EYS: variants seen among roughly 807,000 people sequenced by gnomAD.
EYS encodes protein eyes shut homolog.
Under a neutral mutation model 282.1 loss-of-function variants are expected in EYS, and 250 were observed. The ratio of observed to expected loss-of-function variants is 0.89; its 90% CI spans 0.80 to 0.98. The LOEUF (loss-of-function observed/expected upper bound fraction) is 0.98. EYS is among the 50% of genes least tolerant of loss of function. The pLI is 0.00. For synonymous variants in EYS, 1,355 were observed against 1,282.9 expected (o/e 1.06, Z -1.20); for missense variants, 4,016 against 3,709.0 (o/e 1.08, Z -2.15).
chr6:63,870,696 G>A (rs946148221), intron 35 of EYS, among the ~76,000 whole-genome samples: 8 of 152,100 alleles, frequency 5.3e-5, no homozygotes, highest in African/African-American at 1.9e-4. Context: ...GCCACTTAGA[G>A]CAAGCAGGTG....
intron 5 of EYS, among the ~76,000 whole-genome samples, chr6:65,444,533 C>T (rs1294097803): frequency 6.6e-6 from 1 of 152,006 alleles, no homozygotes; most frequent in Non-Finnish European, 1.5e-5. Context: ...GATTGTAATC[C>T]TTTAAGGCAC....
chr6:65,691,956 G>A (rs962957318), intron 1 of EYS, among the ~76,000 whole-genome samples: 22 of 150,190 alleles, frequency 1.5e-4, no homozygotes, highest in Middle Eastern at 3.2e-3. Flanking sequence ...TTTGGCACCA[G>A]TACAAGTTAC....
intron 26 of EYS, among the ~76,000 whole-genome samples, chr6:64,553,362 C>A (rs1367372607): frequency 6.6e-6 from 1 of 152,114 alleles, no homozygotes; most frequent in African/African-American, 2.4e-5. Context: ...TATATCCCTT[C>A]TTTAAAGCTT....
intron 26 of EYS, among the ~76,000 whole-genome samples, chr6:64,571,739 T>A (rs1765732856): frequency 6.6e-6 from 1 of 152,106 alleles, no homozygotes; most frequent in Non-Finnish European, 1.5e-5. Flanking sequence ...AGAAGTCAAA[T>A]CCCTGAATAG....
intron 15 of EYS, among the ~76,000 whole-genome samples, chr6:64,945,572 C>A (rs1225052632): frequency 6.6e-6 from 1 of 152,052 alleles, no homozygotes; most frequent in Non-Finnish European, 1.5e-5. Context: ...TGGAACATTG[C>A]ATTTTCAAGT....
chr6:65,404,397 A>G (rs1766637650), intron 6 of EYS, among the ~76,000 whole-genome samples: 1 of 151,908 alleles, frequency 6.6e-6, no homozygotes, highest in Non-Finnish European at 1.5e-5. Flanking sequence ...GGACATTTTT[A>G]TTTATTTTAT....
At chr6:64,287,128 C>T (rs1245640088) in intron 30 of EYS, among the ~76,000 whole-genome samples, 1 of 152,098 alleles carries the variant, frequency 6.6e-6, no homozygotes, top group Non-Finnish European at 1.5e-5. Flanking sequence ...AAACTATGTA[C>T]ATGAAAAGTA....
intron 19 of EYS, among the ~76,000 whole-genome samples, chr6:64,879,836 C>T (rs1766860453): frequency 6.6e-6 from 1 of 151,826 alleles, no homozygotes; most frequent in African/African-American, 2.4e-5. Flanking sequence ...TCCATAGAAA[C>T]AATTAGATAT....
chr6:64,707,613 G>C (rs943457815), intron 22 of EYS, among the ~76,000 whole-genome samples: 2 of 150,810 alleles, frequency 1.3e-5, no homozygotes, highest in Non-Finnish European at 2.9e-5. Flanking sequence ...TGCAGTGAGT[G>C]GAGATCACGC....
chr6:64,364,885 T>C (rs1772137539), intron 29 of EYS, among the ~76,000 whole-genome samples: 1 of 151,920 alleles, frequency 6.6e-6, no homozygotes, highest in Non-Finnish European at 1.5e-5. Context: ...ACAGCACTGG[T>C]ACCCCTAAAT....
intron 28 of EYS, among the ~76,000 whole-genome samples, chr6:64,390,561 G>T (rs1773088080): frequency 6.7e-6 from 1 of 150,132 alleles, no homozygotes; most frequent in Non-Finnish European, 1.5e-5. Context: ...GCAGCTGAGG[G>T]TCCTGACTGT....
rs924836478 is a variant in EYS at position 64,081,891 on chromosome 6, A to G, written c.6536T>C (p.Ile2179Thr). The change falls in exon 32 of 43, where the codon ATA (isoleucine) becomes ACA (threonine). Residue 2179 changes from isoleucine (I) to threonine (T), a missense_variant. Ile to Thr is a moderately conservative substitution (Grantham distance 89). Transcript: ENST00000503581. ...HNRTVTIYLT[I>T]KTNSLNGTIL... Reference sequence around the variant, plus strand: ...AGTTCCATTTAAACTGTTTGTTTTTATAGTCAAGTAGATGGTAACAGTTCT... The same window carrying G: ...AGTTCCATTTAAACTGTTTGTTTTTGTAGTCAAGTAGATGGTAACAGTTCT... The G allele has an allele frequency of 4.9e-5, 75 of 1,542,212 alleles. No individual in the cohort carries two copies. Among genetic ancestry groups the G allele is most frequent in the Admixed American group, 1.8e-4 (9 of 50,602 alleles).
At chr6:65,469,386 TA>T (rs1006400578) in intron 5 of EYS, among the ~76,000 whole-genome samples, 13 of 152,204 alleles carry the variant, frequency 8.5e-5, no homozygotes, top group African/African-American at 3.1e-4. Context: ...TGAATCTTCA[TA>T]AAAAATATTT....
At chr6:64,738,276 T>C (rs1772251334) in intron 22 of EYS, among the ~76,000 whole-genome samples, 1 of 152,180 alleles carries the variant, frequency 6.6e-6, no homozygotes, top group Non-Finnish European at 1.5e-5. Context: ...GAATGTGTTC[T>C]CACTCTAATA....
At chr6:64,882,616 CTTATAG>C (rs1472812910) in intron 19 of EYS, among the ~76,000 whole-genome samples, 4 of 151,590 alleles carry the variant, frequency 2.6e-5, no homozygotes, top group Non-Finnish European at 4.4e-5. Flanking sequence ...TATCTATAGA[CTTATAG>C]TTATCAATCA....
At chr6:64,712,314 C>A (rs967574914) in intron 22 of EYS, among the ~76,000 whole-genome samples, 2 of 152,172 alleles carry the variant, frequency 1.3e-5, no homozygotes, top group Admixed American at 1.3e-4. Flanking sequence ...GAGTATACTT[C>A]ATAAAGTGTC....
At chr6:64,371,134 T>C (rs908971893) in intron 29 of EYS, among the ~76,000 whole-genome samples, 7 of 152,116 alleles carry the variant, frequency 4.6e-5, no homozygotes, top group African/African-American at 1.7e-4. Context: ...TCTTCCTAAC[T>C]TTTTGATGTA....
chr6:64,729,925 T>C (rs1312447814), intron 22 of EYS, among the ~76,000 whole-genome samples: 1 of 152,172 alleles, frequency 6.6e-6, no homozygotes, highest in African/African-American at 2.4e-5. Context: ...GTTATGCATG[T>C]AAAGACATTA....
intron 22 of EYS, among the ~76,000 whole-genome samples, chr6:64,685,542 C>A (rs1005167580): frequency 6.6e-6 from 1 of 152,180 alleles, no homozygotes; most frequent in African/African-American, 2.4e-5. Flanking sequence ...AAGAGTCTGG[C>A]ACCTCCAGTC....
Sources: allele counts gnomAD v4.1 joint callset (sites outside exome capture counted in the v4.1 genomes callset), GRCh38; gene constraint gnomAD v4.1.1; transcripts MANE v1.5; gene names NCBI Gene and HGNC (gene_info 2026-07-23, HGNC 2026-07-21).